Variants in RAB3GAP2 observed in about 807,000 individuals in gnomAD.
RAB3GAP2 encodes RAB3 GTPase activating non-catalytic protein subunit 2, also known as rab3 GTPase-activating protein non-catalytic subunit.
Under a neutral mutation model 185.3 loss-of-function variants are expected in RAB3GAP2, and 87 were observed. The observed-to-expected ratio is 0.47, with a 90% CI of 0.39 to 0.56. The LOEUF (loss-of-function observed/expected upper bound fraction) is 0.56, where lower values mean the gene tolerates loss of function less well. Among genes scored for constraint, RAB3GAP2 ranks in the 20% least tolerant of loss-of-function variants. RAB3GAP2 has a pLI of 0.00. For synonymous variants in RAB3GAP2, 554 were observed against 576.1 expected (o/e 0.96, Z 0.55); for missense variants, 1,492 against 1,638.2 (o/e 0.91, Z 1.54).
rs187865621 is a variant in RAB3GAP2, at chr1:220,263,655, T to G, written c.115+8568A>C. Among the ~76,000 whole-genome samples the G allele has an allele frequency of 4.1e-4, 62 of 152,240 alleles. 4 individuals carry two copies. The East Asian group carries it at 0.012, about 29-fold the overall frequency. On this transcript the variant is annotated intron_variant, in intron 1 of 34. Transcript: ENST00000358951. Reference sequence around the variant, plus strand: ...TTCCATTCCATTGGTTTGTTTGTCTTTATGCCAGTATCATACAGTTTGGGT... The same window carrying G: ...TTCCATTCCATTGGTTTGTTTGTCTGTATGCCAGTATCATACAGTTTGGGT...
At chr1:220,255,083 T>G (rs2102526819) in intron 1 of RAB3GAP2, among the ~76,000 whole-genome samples, 1 of 152,230 alleles carries the variant, frequency 6.6e-6, no homozygotes, top group Non-Finnish European at 1.5e-5. Flanking sequence ...TTTTTGTATT[T>G]GTGTCTAATG....
chr1:220,204,539 C>T (rs1466121482), intron 8 of RAB3GAP2, among the ~76,000 whole-genome samples: 2 of 152,100 alleles, frequency 1.3e-5, no homozygotes, highest in Non-Finnish European at 2.9e-5. Context: ...GGCTCCTCTA[C>T]TCAATCCCAA....
rs534269503 is a variant in RAB3GAP2, at chr1:220,179,418, G to A, written c.2310+2839C>T. Among the ~76,000 whole-genome samples, 6 of 152,188 alleles carry A rather than the reference G, an allele frequency of 3.9e-5. No homozygotes were observed. The South Asian group carries it at 1.2e-3, about 32-fold the overall frequency. On this transcript the variant is annotated intron_variant, in intron 21 of 34. Coordinates refer to ENST00000358951, the MANE Select transcript of RAB3GAP2 (RefSeq NM_012414.4). ...AAAGGGAGAGACAGACTTCAATACA[G>A]TAATAACAGAGGTCTTCAACCTCAC...
chr1:220,237,895 A>C (rs1432939908), intron 1 of RAB3GAP2, among the ~76,000 whole-genome samples: 2 of 152,176 alleles, frequency 1.3e-5, no homozygotes, highest in South Asian at 4.1e-4. Flanking sequence ...AAAAAAAAAA[A>C]AAACAACAGG....
chr1:220,171,391 G>C (rs926060436), intron 23 of RAB3GAP2, among the ~76,000 whole-genome samples: 12 of 152,106 alleles, frequency 7.9e-5, no homozygotes, highest in African/African-American at 2.7e-4. Flanking sequence ...AGAGTTTTCT[G>C]GGCCATCTTT....
chr1:220,160,805 C>T (rs1657950740), intron 28 of RAB3GAP2, among the ~76,000 whole-genome samples: 1 of 152,156 alleles, frequency 6.6e-6, no homozygotes, highest in African/African-American at 2.4e-5. Flanking sequence ...CTCTTCTGAG[C>T]TCCAAACACT....
chr1:220,191,359 A>AGTGGGGGTGGGG (rs541208842), intron 13 of RAB3GAP2, 75 bp from the exon 14 acceptor site: 1 of 113,748 alleles, frequency 8.8e-6, no homozygotes, highest in Admixed American at 1.0e-4. Flanking sequence ...ACTCTGGAAT[A>AGTGGGGGTGGGG]GTGGGGGTGG....
chr1:220,189,466 G>A (rs1043674303), intron 17 of RAB3GAP2, among the ~76,000 whole-genome samples: 2 of 150,810 alleles, frequency 1.3e-5, no homozygotes, highest in Non-Finnish European at 2.9e-5. Flanking sequence ...TGATCCCCCT[G>A]CCTCGGCCTC....
At chr1:220,192,601 A>C (rs1338690675) in intron 13 of RAB3GAP2, among the ~76,000 whole-genome samples, 3 of 152,202 alleles carry the variant, frequency 2.0e-5, no homozygotes, top group Non-Finnish European at 2.9e-5. Flanking sequence ...ACTTCGGGGA[A>C]TATCTTCAAA....
rs1449343380 is a variant in RAB3GAP2 at position 220,205,991 on chromosome 1, T to C, written c.628A>G (p.Ile210Val). Residue 210 changes from isoleucine to valine, a missense_variant, in exon 8 of 35, where the codon ATC (isoleucine) becomes GTC (valine). By Grantham distance (29) the Ile-to-Val change is conservative. Coordinates refer to ENST00000358951, the MANE Select transcript of RAB3GAP2 (RefSeq NM_012414.4). ...GVTEQNEELS[I>V]LYPAAIVTID... The stretch of plus-strand genomic sequence containing the variant: ...GTCACAATGGCAGCTGGATATAAGA[T>C]ACTCAACTCTTCATTCTATTTAAGA... The C allele has an allele frequency of 1.9e-6, 3 of 1,599,558 alleles. No homozygotes were observed. Among genetic ancestry groups the C allele is most frequent in the Non-Finnish European group, 2.6e-6 (3 of 1,168,088 alleles).
At chr1:220,205,849 G>C (rs1658953366) in intron 8 of RAB3GAP2, 58 bp downstream of exon 8, 6 of 1,236,598 alleles carry the variant, frequency 4.9e-6, no homozygotes, top group Non-Finnish European at 7.1e-6. Context: ...CCATAAGCAG[G>C]TGAAATTAAA....
At chr1:220,212,475 G>C (rs1659101871) in intron 4 of RAB3GAP2, among the ~76,000 whole-genome samples, 1 of 151,812 alleles carries the variant, frequency 6.6e-6, no homozygotes, top group African/African-American at 2.4e-5. Flanking sequence ...TTCAAATAAT[G>C]AAATTTCTTT....
chr1:220,199,007 T>C (rs981494347), intron 9 of RAB3GAP2, among the ~76,000 whole-genome samples: 4 of 152,114 alleles, frequency 2.6e-5, no homozygotes, highest in African/African-American at 4.8e-5. Flanking sequence ...AGTAGGAATA[T>C]GCTTGCTGTG....
In RAB3GAP2 at chr1:220,243,151, G is replaced by A. The variant is rs189052010; in HGVS notation, c.116-10288C>T. ...GGGCGGATCACAAGGTCAGGAGATC[G>A]AGACCATCCTGGCTAACATGGTGAA... On this transcript the variant is annotated intron_variant, in intron 1 of 34. Transcript: ENST00000358951. Among the ~76,000 whole-genome samples, 175 of 151,912 alleles carry A rather than the reference G, an allele frequency of 1.2e-3. 1 individual carries two copies. The highest frequency in any genetic ancestry group is 3.8e-3 in the African/African-American group (159 of 41,410).
intron 30 of RAB3GAP2, 104 bp from the exon 31 acceptor site, chr1:220,157,592 C>T: frequency 8.5e-7 from 1 of 1,180,150 alleles, no homozygotes; most frequent in Non-Finnish European, 1.2e-6. Context: ...TCATATTGCA[C>T]ACTGTCCCAA....
At position 220,220,389 on chromosome 1, in the gene RAB3GAP2, A is replaced by T. The variant is rs139515544; in HGVS notation, c.181-6410T>A. 9.1e-3 allele frequency: 1,389 copies of T among 152,634 alleles called. 12 individuals carry two copies. Among genetic ancestry groups the T allele is most frequent in the Non-Finnish European group, 0.013 (905 of 68,202 alleles). The allele number at this position is 152,634 out of a possible 1,614,324, so 9.5% of individuals were successfully genotyped here. A position where few individuals can be genotyped will look rare whatever the true frequency, so the allele number is the denominator to read the frequency against. ...CAGCCAGTTCCAGCAATTATGAAAA[A>T]GTCCAGGCTCTCAGACCGCTGACCC... On this transcript the variant is annotated intron_variant, in intron 2 of 34. Transcript: ENST00000358951.
intron 8 of RAB3GAP2, among the ~76,000 whole-genome samples, chr1:220,204,652 G>A (rs547710930): frequency 1.0e-3 from 158 of 152,066 alleles, no homozygotes; most frequent in African/African-American, 3.6e-3. Flanking sequence ...TGTTACATAT[G>A]TATACATGTG....
intron 1 of RAB3GAP2, among the ~76,000 whole-genome samples, chr1:220,241,411 T>C (rs560739028): frequency 4.6e-5 from 7 of 152,160 alleles, no homozygotes; most frequent in South Asian, 2.1e-4. Flanking sequence ...AAGATCTTAG[T>C]ACAGAAGTAA....
intron 6 of RAB3GAP2, 107 bp downstream of exon 6, chr1:220,210,694 A>G: frequency 8.1e-7 from 1 of 1,232,836 alleles, no homozygotes. Context: ...AGAATCAACT[A>G]CACATTTTCA....
Sources: gnomAD v4.1 joint callset for allele counts (sites outside exome capture counted in the v4.1 genomes callset) on GRCh38, gnomAD v4.1.1 for gene constraint, MANE v1.5 for transcripts, NCBI Gene and HGNC (gene_info 2026-07-23, HGNC 2026-07-21) for gene names.